The following MYO3A variants were observed in gnomAD, a reference collection of about 807,000 sequenced individuals.
MYO3A encodes the protein myosin IIIA.
A neutral mutation model predicts 192.7 loss-of-function variants in MYO3A; 180 were observed. The ratio of observed to expected loss-of-function variants is 0.93; its 90% CI spans 0.83 to 1.06. The LOEUF (loss-of-function observed/expected upper bound fraction) is 1.06. MYO3A is among the 50% of genes least tolerant of loss of function. MYO3A has a pLI of 0.00. For missense variants in MYO3A, 1,896 were observed against 1,905.0 expected (o/e 1.00, Z 0.09); for synonymous variants, 628 against 645.3 (o/e 0.97, Z 0.41).
At chr10:25,995,411 C>T (rs975265816) in intron 4 of MYO3A, among the ~76,000 whole-genome samples, 3 of 152,082 alleles carry the variant, frequency 2.0e-5, no homozygotes, top group Non-Finnish European at 4.4e-5. Flanking sequence ...TTTGTCTAAT[C>T]TTTTTTCAAG....
At chr10:26,053,415 G>T (rs114676982) in intron 10 of MYO3A, among the ~76,000 whole-genome samples, 24,717 of 152,114 alleles carry the variant, frequency 0.16, 2,295 homozygotes, top group Non-Finnish European at 0.21. Context: ...GTCAGTCAGT[G>T]ATAAAACAAA....
chr10:25,942,431 T>C (rs1373487176), intron 2 of MYO3A, among the ~76,000 whole-genome samples: 1 of 152,260 alleles, frequency 6.6e-6, no homozygotes, highest in African/African-American at 2.4e-5. Context: ...TCTTTGAGCC[T>C]TTGATTGAAT....
intron 34 of MYO3A, among the ~76,000 whole-genome samples, chr10:26,205,598 CTTTTCTTTTCTTTTTTT>C (rs1287622632): frequency 1.1e-5 from 1 of 93,914 alleles, no homozygotes; most frequent in African/African-American, 4.1e-5. Flanking sequence ...GGCAGGATTT[CTTTTCTTTTCTTTTTTT>C]TTTTTTTTTT....
intron 31 of MYO3A, among the ~76,000 whole-genome samples, chr10:26,190,707 T>C (rs1043410217): frequency 1.3e-5 from 2 of 152,332 alleles, no homozygotes; most frequent in African/African-American, 4.8e-5. Flanking sequence ...TAATGCTTAA[T>C]GATGAAGGGT....
At chr10:25,968,291 C>T (rs2130709189) in intron 4 of MYO3A, among the ~76,000 whole-genome samples, 1 of 152,236 alleles carries the variant, frequency 6.6e-6, no homozygotes, top group East Asian at 1.9e-4. Context: ...ATTTTGAATT[C>T]TGTATTCAGT....
chr10:26,054,124 A>T (rs912737236), intron 10 of MYO3A, among the ~76,000 whole-genome samples: 1 of 148,748 alleles, frequency 6.7e-6, no homozygotes, highest in Non-Finnish European at 1.5e-5. Flanking sequence ...GGATCAGATT[A>T]TAAGAGACCT....
intron 8 of MYO3A, chr10:26,023,148 T>C (rs1842390935): frequency 6.6e-6 from 1 of 152,244 alleles, no homozygotes; most frequent in African/African-American, 2.4e-5. Context: ...GATTGTGAAA[T>C]GAGCTTAGTC....
At chr10:25,980,920 T>C (rs998271275) in intron 4 of MYO3A, among the ~76,000 whole-genome samples, 15 of 152,198 alleles carry the variant, frequency 9.9e-5, no homozygotes, top group African/African-American at 3.6e-4. Flanking sequence ...TTGACAACTG[T>C]ATGATGATCT....
intron 2 of MYO3A, among the ~76,000 whole-genome samples, chr10:25,944,425 A>G (rs1357628652): frequency 6.6e-6 from 1 of 151,968 alleles, no homozygotes; most frequent in Non-Finnish European, 1.5e-5. Context: ...ATGAGTTAGG[A>G]AGTGTGCCCT....
intron 17 of MYO3A, among the ~76,000 whole-genome samples, chr10:26,111,075 C>T (rs1838149135): frequency 6.6e-6 from 1 of 151,974 alleles, no homozygotes; most frequent in Non-Finnish European, 1.5e-5. Context: ...ACTATGTTGC[C>T]CAGGCTGGTC....
At chr10:26,101,984 A>C (rs1036193275) in intron 17 of MYO3A, among the ~76,000 whole-genome samples, 15 of 152,134 alleles carry the variant, frequency 9.9e-5, no homozygotes. Context: ...TAATATCCTA[A>C]AGAGTGTTTT....
chr10:26,148,421 A>T (rs1220932676), intron 23 of MYO3A, among the ~76,000 whole-genome samples: 1 of 152,200 alleles, frequency 6.6e-6, no homozygotes, highest in East Asian at 1.9e-4. Flanking sequence ...AAGTCCTGAA[A>T]TCAGGCAGTA....
intron 20 of MYO3A, among the ~76,000 whole-genome samples, chr10:26,136,794 G>A (rs1024546191): frequency 2.0e-5 from 3 of 152,168 alleles, no homozygotes; most frequent in Non-Finnish European, 4.4e-5. Context: ...AAGGTCAGCA[G>A]GATCACTTGA....
intron 26 of MYO3A, among the ~76,000 whole-genome samples, chr10:26,163,412 CAGGGGAG>C (rs1841577256): frequency 6.6e-6 from 1 of 152,048 alleles, no homozygotes. Context: ...TGGGGCAGGG[CAGGGGAG>C]TGACAGTGGA....
At chr10:26,166,263 A>G (rs774679459) in intron 27 of MYO3A, 85 bp downstream of exon 27, 15 of 1,189,866 alleles carry the variant, frequency 1.3e-5, no homozygotes, top group South Asian at 1.2e-4. Context: ...GTTTGAAAGT[A>G]TGGTTTTTTT....
intron 17 of MYO3A, among the ~76,000 whole-genome samples, chr10:26,097,051 T>C (rs954842033): frequency 6.6e-6 from 1 of 151,960 alleles, no homozygotes; most frequent in African/African-American, 2.4e-5. Context: ...TACAATATAA[T>C]TCACCTATTT....
chr10:26,040,460 C>A (rs542641955), intron 10 of MYO3A, among the ~76,000 whole-genome samples: 1 of 152,208 alleles, frequency 6.6e-6, no homozygotes, highest in South Asian at 2.1e-4. Context: ...TTGACATTTT[C>A]AGCAATTGAG....
At chr10:26,134,285 A>G (rs760840947) in intron 20 of MYO3A, among the ~76,000 whole-genome samples, 6 of 152,190 alleles carry the variant, frequency 3.9e-5, no homozygotes, top group Non-Finnish European at 8.8e-5. Context: ...CATATTCTGA[A>G]TTAATGACTT....
intron 10 of MYO3A, among the ~76,000 whole-genome samples, chr10:26,049,961 A>G (rs1176678622): frequency 6.6e-6 from 1 of 151,954 alleles, no homozygotes; most frequent in Non-Finnish European, 1.5e-5. Flanking sequence ...GGCATGAGCC[A>G]CCGCACGCAG....
Sources: allele counts gnomAD v4.1 joint callset (sites outside exome capture counted in the v4.1 genomes callset), GRCh38; gene constraint gnomAD v4.1.1; transcripts MANE v1.5; gene names NCBI Gene and HGNC (gene_info 2026-07-23, HGNC 2026-07-21).